Variants in RCC2 observed in about 807,000 individuals in gnomAD.
The protein encoded by RCC2 is protein RCC2.
RCC2 carries 19 observed loss-of-function variants against 64.1 expected under a neutral mutation model. The observed-to-expected ratio is 0.30, with a 90% confidence interval of 0.21 to 0.44. The LOEUF (loss-of-function observed/expected upper bound fraction) is 0.44. RCC2 is among the 20% of genes least tolerant of loss of function. The probability of loss-of-function intolerance (pLI) is 1.00; values close to 1 mark genes in which losing one functional copy is unlikely to be tolerated. For missense variants in RCC2, 508 were observed against 710.4 expected, an observed-to-expected ratio of 0.72 and a Z score of 3.24; for synonymous variants, 325 against 279.6, an observed-to-expected ratio of 1.16 and a Z score of -1.62.
At chr1:17,418,680 G>A (rs1284629445) in intron 7 of RCC2, among the ~76,000 whole-genome samples, 1 of 151,942 alleles carries the variant, frequency 6.6e-6, no homozygotes. Context: ...AAGTCTGAGG[G>A]TCCCCACTAA....
Position 17,408,964 on chromosome 1 carries a change from C to A in RCC2, c.*126G>T. ...TGTGTAAAACGGAACCTCAGGGAGT[C>A]TAAACAAAAATGCACCTTCGGTCAA... On this transcript the variant is annotated 3_prime_UTR_variant, in exon 13 of 13. Coordinates refer to ENST00000375436, the MANE Select transcript of RCC2 (RefSeq NM_018715.4). 2 of 756,000 alleles carry A rather than the reference C, an allele frequency of 2.6e-6. No homozygotes were observed. The highest frequency in any genetic ancestry group is 4.7e-6 in the Non-Finnish European group (2 of 422,804). The allele number at this position is 756,000 out of a possible 1,614,324, so 46.8% of individuals were successfully genotyped here. A position where few individuals can be genotyped will look rare whatever the true frequency, so the allele number is the denominator to read the frequency against.
chr1:17,430,810 C>T (rs1057493169), intron 2 of RCC2, among the ~76,000 whole-genome samples: 1 of 151,766 alleles, frequency 6.6e-6, no homozygotes, highest in African/African-American at 2.4e-5. Flanking sequence ...CTTGCTGCAA[C>T]CTCTGCCTCC....
Position 17,438,321 on chromosome 1 carries a change from C to T in RCC2, c.194G>A (p.Gly65Glu), listed in dbSNP as rs2075764718. Reference protein sequence around the residue: ...DGLELDGAPGGGKRAARPATA... With the variant: ...DGLELDGAPGEGKRAARPATA... ...CGCCGGCCGCGCCGCGCGCTTGCCC[C>T]CGCCGGGGGCCCCGTCGAGCTCCAG... Residue 65 changes from glycine to glutamate, a missense_variant, in exon 2 of 13, where the codon GGG becomes GAG. Gly to Glu is a moderately conservative substitution (Grantham distance 98). Around this residue, in one of 4 missense-constraint regions of RCC2, gnomAD observed 195 missense variants for 158.3 expected, o/e 1.23. Coordinates refer to ENST00000375436, the MANE Select transcript of RCC2 (RefSeq NM_018715.4). 3.2e-6 allele frequency: 4 copies of T among 1,239,456 alleles called. 1 individual carries two copies. Among genetic ancestry groups the T allele is most frequent in the South Asian group, 5.2e-5 (2 of 38,452 alleles). 76.8% of individuals were successfully genotyped at this position (1,239,456 alleles called of 1,614,324 possible). A position where few individuals can be genotyped will look rare whatever the true frequency, so the allele number is the denominator to read the frequency against.
In RCC2 at chr1:17,413,176, C is replaced by T. The variant is rs150340592; in HGVS notation, c.1210G>A (p.Gly404Ser). 6.2e-7 allele frequency: 1 copy of T among 1,609,516 alleles called. No homozygotes were observed. Among genetic ancestry groups the T allele is most frequent in the Non-Finnish European group, 8.5e-7 (1 of 1,176,094 alleles). Residue 404 changes from glycine (G) to serine (S), a missense_variant and splice_region_variant, in exon 10 of 13, where the codon GGT becomes AGT. Physicochemically the swap from Gly to Ser is moderately conservative, Grantham distance 56. Coordinates refer to ENST00000375436, the MANE Select transcript of RCC2 (RefSeq NM_018715.4). ...TCSFAVSEVG[G>S]LFFWGATNTS... ...TTGGTGGCCCCCCAGAAAAACAGAC[C>T]ACCTAAGGGAAGACAAAACATGTTC...
At chr1:17,438,690 C>T (rs1187420056) in intron 1 of RCC2, 168 bp from the exon 2 acceptor site, 4 of 575,154 alleles carry the variant, frequency 7.0e-6, no homozygotes, top group East Asian at 3.7e-5. Flanking sequence ...AATCGCGCCC[C>T]TCCCTGGCCC....
intron 2 of RCC2, among the ~76,000 whole-genome samples, chr1:17,437,124 A>C (rs950105260): frequency 1.3e-5 from 2 of 152,188 alleles, no homozygotes; most frequent in Admixed American, 6.5e-5. Context: ...AAGGCCCTCG[A>C]ATTCTGTGCC....
In RCC2 at chr1:17,429,244, C is replaced by T. The variant is rs543259029; in HGVS notation, c.286-45G>A. On this transcript the variant is annotated intron_variant, in intron 2 of 12. Coordinates refer to ENST00000375436, the MANE Select transcript of RCC2 (RefSeq NM_018715.4). The stretch of plus-strand genomic sequence containing the variant: ...AAAAAAGAATTAGTGTGTAAGTCTG[C>T]ACCTAGCTTTCCAAGGCTGTCCAAT... 8.1e-6 allele frequency: 12 copies of T among 1,477,364 alleles called. No homozygotes were observed. In the South Asian group the frequency reaches 1.4e-4, roughly 17 times the overall value. The allele number at this position is 1,477,364 out of a possible 1,614,324, so 91.5% of individuals were successfully genotyped here. A position where few individuals can be genotyped will look rare whatever the true frequency, so the allele number is the denominator to read the frequency against.
Position 17,409,111 on chromosome 1 carries a change from T to C in RCC2, c.1548A>G (p.Glu516=), listed in dbSNP as rs2075397477. 6.2e-7 allele frequency: 1 copy of C among 1,613,672 alleles called. No individual in the cohort carries two copies. The highest frequency in any genetic ancestry group is 8.5e-7 in the Non-Finnish European group (1 of 1,179,586). The change falls in exon 13 of 13, where the codon GAA becomes GAG. Residue 516 remains glutamate (E), a synonymous_variant. Coordinates refer to ENST00000375436, the MANE Select transcript of RCC2 (RefSeq NM_018715.4). The part of the protein sequence containing the change: ...TEKEKIKKLP[E]YNPRTL ...AGCATCAGAGGGTTCGGGGGTTGTA[T>C]TCTGGCAGTTTCTTGATCTTCTCTT... is the stretch of plus-strand genomic sequence containing the variant.
chr1:17,436,738 A>T (rs1001133162), intron 2 of RCC2, among the ~76,000 whole-genome samples: 1 of 152,212 alleles, frequency 6.6e-6, no homozygotes, highest in Admixed American at 6.5e-5. Flanking sequence ...ATGTCTAAAC[A>T]CAATCTTGCT....
intron 2 of RCC2, among the ~76,000 whole-genome samples, chr1:17,431,363 T>A (rs11203386): frequency 0.035 from 1,323 of 37,572 alleles, 77 homozygotes; most frequent in Middle Eastern, 0.065. Flanking sequence ...AAAAAAAATA[T>A]ATATATATAT....
chr1:17,413,750 A>G (rs751066323), intron 8 of RCC2, 33 bp from the exon 9 acceptor site: 2 of 1,581,140 alleles, frequency 1.3e-6, no homozygotes, highest in Non-Finnish European at 1.7e-6. Flanking sequence ...GTTGGAACAA[A>G]CAGACTTCCA....
Position 17,438,295 on chromosome 1 carries a change from T to C in RCC2, c.220A>G (p.Thr74Ala). The change falls in exon 2 of 13, where the codon ACA becomes GCA. Residue 74 changes from threonine (T) to alanine (A), a missense_variant. Transcript: ENST00000375436. ...GGGKRAARPATAGKAGGAAVV... is the reference protein window; with the variant it reads ...GGGKRAARPAAAGKAGGAAVV... The stretch of plus-strand genomic sequence containing the variant: ...GCCGCGCCGCCCGCCTTGCCTGCTG[T>C]CGCCGGCCGCGCCGCGCGCTTGCCC... 7.9e-7 allele frequency: 1 copy of C among 1,264,788 alleles called. No individual in the cohort carries two copies. Among genetic ancestry groups the C allele is most frequent in the South Asian group, 2.1e-5 (1 of 48,014 alleles). 78.3% of individuals were successfully genotyped at this position (1,264,788 alleles called of 1,614,324 possible). A position where few individuals can be genotyped will look rare whatever the true frequency, so the allele number is the denominator to read the frequency against.
chr1:17,417,159 T>C (rs2075496486), intron 7 of RCC2, among the ~76,000 whole-genome samples: 1 of 152,160 alleles, frequency 6.6e-6, no homozygotes, highest in Admixed American at 6.5e-5. Flanking sequence ...ACCAGTAACC[T>C]AAACGTATGG....
chr1:17,421,949 C>G (rs566367848), intron 6 of RCC2, among the ~76,000 whole-genome samples: 3 of 151,950 alleles, frequency 2.0e-5, no homozygotes, highest in Non-Finnish European at 4.4e-5. Flanking sequence ...CACTTGAACC[C>G]GGGAGGCGGA....
rs1297701330 is a variant in RCC2, at chr1:17,408,914, A to T, written c.*176T>A. ...AAAAGGACTTTGGAAAGCATACAGA[A>T]AAAAAGGTAGTTAACGTTGGATCAT... On this transcript the variant is annotated 3_prime_UTR_variant, in exon 13 of 13. Coordinates refer to ENST00000375436, the MANE Select transcript of RCC2 (RefSeq NM_018715.4). The T allele has an allele frequency of 3.6e-6, 2 of 562,006 alleles. No individual in the cohort carries two copies. The highest frequency in any genetic ancestry group is 6.4e-6 in the Non-Finnish European group (2 of 311,674). The allele number at this position is 562,006 out of a possible 1,614,324, so 34.8% of individuals were successfully genotyped here. A position where few individuals can be genotyped will look rare whatever the true frequency, so the allele number is the denominator to read the frequency against.
chr1:17,438,069 C>T (rs1316046010), intron 2 of RCC2, among the ~76,000 whole-genome samples, 161 bp downstream of exon 2: 1 of 146,840 alleles, frequency 6.8e-6, no homozygotes, highest in Non-Finnish European at 1.5e-5. Flanking sequence ...TTTTGTTGCG[C>T]GGAGGCGGAG....
intron 2 of RCC2, among the ~76,000 whole-genome samples, chr1:17,434,502 T>C (rs111304518): frequency 1.0e-3 from 157 of 152,284 alleles, no homozygotes; most frequent in African/African-American, 3.5e-3. Flanking sequence ...CCATAGCCTT[T>C]GTAATATCCT....
At chr1:17,439,161 C>G (rs972309639) in intron 1 of RCC2, among the ~76,000 whole-genome samples, 8 of 152,158 alleles carry the variant, frequency 5.3e-5, no homozygotes, top group Non-Finnish European at 8.8e-5. Flanking sequence ...AAGCTGGACC[C>G]CAGCCCCAAA....
chr1:17,409,457 A>G (rs1226205996), intron 12 of RCC2, among the ~76,000 whole-genome samples: 1 of 152,218 alleles, frequency 6.6e-6, no homozygotes, highest in Non-Finnish European at 1.5e-5. Flanking sequence ...CAGCAGGGAC[A>G]GGTGGGGACA....
Sources: gnomAD v4.1 joint callset for allele counts (sites outside exome capture counted in the v4.1 genomes callset) on GRCh38, gnomAD v4.1.1 for gene constraint, gnomAD v4.1.1 regional missense constraint, MANE v1.5 for transcripts, NCBI Gene and HGNC (gene_info 2026-07-23, HGNC 2026-07-21) for gene names.